Variants in STXBP5L observed in about 807,000 individuals in gnomAD.
STXBP5L encodes the protein syntaxin binding protein 5L, also known as syntaxin-binding protein 5-like.
In STXBP5L, 65 loss-of-function variants were observed where a neutral mutation model predicts 144.5. That is an observed-to-expected ratio of 0.45 (90% CI 0.37 to 0.55). The LOEUF (loss-of-function observed/expected upper bound fraction) is 0.55, where lower values mean the gene tolerates loss of function less well. Ranked by LOEUF, STXBP5L falls within the 20% of genes least tolerant of loss-of-function variation. STXBP5L has a pLI of 0.00. For missense variants in STXBP5L, 1,298 were observed against 1,405.5 expected (o/e 0.92, Z 1.22); for synonymous variants, 505 against 469.6 (o/e 1.08, Z -0.97).
At chr3:120,999,077 G>T (rs1187363877) in intron 3 of STXBP5L, among the ~76,000 whole-genome samples, 1 of 152,124 alleles carries the variant, frequency 6.6e-6, no homozygotes, top group Admixed American at 6.6e-5. Context: ...CTGAGTGATG[G>T]AGTCTCATTC....
chr3:120,919,156 T>G (rs2107577710), intron 2 of STXBP5L, among the ~76,000 whole-genome samples: 1 of 152,220 alleles, frequency 6.6e-6, no homozygotes, highest in South Asian at 2.1e-4. Flanking sequence ...ATTCTCAACG[T>G]TACTGATTTT....
intron 3 of STXBP5L, among the ~76,000 whole-genome samples, chr3:120,990,468 A>G (rs1450927060): frequency 2.0e-5 from 3 of 152,204 alleles, no homozygotes; most frequent in Admixed American, 2.0e-4. Context: ...TTCAAAGTTC[A>G]TATGGAACCA....
chr3:121,087,350 T>C (rs889744307), intron 5 of STXBP5L, among the ~76,000 whole-genome samples: 2 of 152,082 alleles, frequency 1.3e-5, no homozygotes, highest in Non-Finnish European at 2.9e-5. Context: ...ATTTAATGTA[T>C]TTTGCAGCCT....
chr3:121,065,203 T>C lies in STXBP5L; in HGVS notation c.470+19668T>C, dbSNP rs552046006. 9.2e-5 allele frequency among the ~76,000 whole-genome samples: 14 copies of C among 152,288 alleles called. No individual in the cohort carries two copies. The South Asian group carries it at 2.3e-3, about 25-fold the overall frequency. On this transcript the variant is annotated intron_variant, in intron 5 of 26. Coordinates refer to ENST00000471454, the MANE Select transcript of STXBP5L (RefSeq NM_001308330.2). The stretch of plus-strand genomic sequence containing the variant: ...TATGAATACTGCTGTACTAAACATA[T>C]GAGGGCAGATGACATTTTGGTAGAA...
At chr3:121,029,876 C>T (rs1447048000) in intron 3 of STXBP5L, among the ~76,000 whole-genome samples, 1 of 151,184 alleles carries the variant, frequency 6.6e-6, no homozygotes, top group Non-Finnish European at 1.5e-5. Flanking sequence ...AGGATATGAA[C>T]AGAGACTTCT....
chr3:121,027,555 G>T (rs1298358919), intron 3 of STXBP5L, among the ~76,000 whole-genome samples: 1 of 151,956 alleles, frequency 6.6e-6, no homozygotes, highest in Non-Finnish European at 1.5e-5. Flanking sequence ...TTTGGCTCTT[G>T]GCCCCTTTCC....
At chr3:121,092,894 T>C (rs1382749857) in intron 5 of STXBP5L, among the ~76,000 whole-genome samples, 1 of 152,210 alleles carries the variant, frequency 6.6e-6, no homozygotes, top group Non-Finnish European at 1.5e-5. Context: ...TTCAGTATGA[T>C]ATTGGCTGTG....
chr3:121,008,931 AT>A (rs35274717), intron 3 of STXBP5L, among the ~76,000 whole-genome samples: 32,273 of 149,218 alleles, frequency 0.22, 3,645 homozygotes, highest in Non-Finnish European at 0.26. Context: ...AATATAATCA[AT>A]TTTTTTTTTT....
At chr3:121,039,981 T>G (rs548603540) in intron 3 of STXBP5L, among the ~76,000 whole-genome samples, 1 of 152,168 alleles carries the variant, frequency 6.6e-6, no homozygotes, top group South Asian at 2.1e-4. Flanking sequence ...GATAGATAGA[T>G]CTATCTTCTG....
At chr3:121,192,044 A>T (rs755559520) in intron 9 of STXBP5L, among the ~76,000 whole-genome samples, 3 of 152,150 alleles carry the variant, frequency 2.0e-5, no homozygotes, top group Non-Finnish European at 4.4e-5. Flanking sequence ...ATGTATACAT[A>T]TGTAACAAAC....
chr3:121,290,535 A>G (rs553379732), intron 19 of STXBP5L, among the ~76,000 whole-genome samples: 18 of 152,260 alleles, frequency 1.2e-4, no homozygotes, highest in Admixed American at 1.2e-3. Context: ...GAAAGAGGGA[A>G]TCCTCCCCCC....
intron 21 of STXBP5L, among the ~76,000 whole-genome samples, chr3:121,379,711 G>T (rs1260785253): frequency 2.0e-5 from 3 of 152,048 alleles, no homozygotes; most frequent in Admixed American, 2.0e-4. Context: ...TCTCTAACAG[G>T]TGTCTGTGAG....
Position 121,354,508 on chromosome 3 carries a change from C to CTTTTTTT in STXBP5L, c.2177-24193_2177-24187dup, listed in dbSNP as rs145703750. 1.9e-3 allele frequency among the ~76,000 whole-genome samples: 131 copies of CTTTTTTT among 67,540 alleles called. 9 individuals carry two copies. Among genetic ancestry groups the CTTTTTTT allele is most frequent in the South Asian group, 3.0e-3 (4 of 1,334 alleles). The allele number at this position is 67,540 out of a possible 152,430, so 44.3% of individuals were successfully genotyped here. A position where few individuals can be genotyped will look rare whatever the true frequency, so the allele number is the denominator to read the frequency against. On this transcript the variant is annotated intron_variant, in intron 20 of 26. Coordinates refer to ENST00000471454, the MANE Select transcript of STXBP5L (RefSeq NM_001308330.2). ...GTCAGAGGCTAGAATTGCAACCCTG[C>CTTTTTTT]TTTTTTTTTTTTTTTTTTTTTGCTC...
chr3:120,912,623 C>CAAAA (rs555613375), intron 2 of STXBP5L, among the ~76,000 whole-genome samples: 2 of 125,322 alleles, frequency 1.6e-5, no homozygotes, highest in African/African-American at 2.9e-5. Flanking sequence ...CAAGGTCAGC[C>CAAAA]AAAAAAAAAA....
At chr3:121,065,965 C>T (rs1004962413) in intron 5 of STXBP5L, among the ~76,000 whole-genome samples, 1 of 152,178 alleles carries the variant, frequency 6.6e-6, no homozygotes, top group Non-Finnish European at 1.5e-5. Context: ...CTCAATAAGC[C>T]AGCTCACAAC....
Position 121,122,659 on chromosome 3 carries a change from A to G in STXBP5L, c.669+955A>G, listed in dbSNP as rs76622372. On this transcript the variant is annotated intron_variant, in intron 7 of 26. Transcript: ENST00000471454. ...AATGGTACTGGATAATTGGTTCTTC[A>G]CTTTGAAAAGAATAGTAAGACCTCT... 4.1e-3 allele frequency among the ~76,000 whole-genome samples: 628 copies of G among 151,610 alleles called. 4 individuals carry two copies. The highest frequency in any genetic ancestry group is 0.014 in the Middle Eastern group (4 of 294).
chr3:121,166,861 T>C (rs1312393739), intron 9 of STXBP5L, among the ~76,000 whole-genome samples: 1 of 152,128 alleles, frequency 6.6e-6, no homozygotes, highest in Non-Finnish European at 1.5e-5. Flanking sequence ...AGTGAAATAA[T>C]AGCATATAAA....
chr3:121,278,942 A>T (rs1356289074), intron 18 of STXBP5L, among the ~76,000 whole-genome samples: 2 of 151,578 alleles, frequency 1.3e-5, no homozygotes, highest in African/African-American at 4.8e-5. Flanking sequence ...TTGTGTAGTG[A>T]AGTGGAAAGA....
intron 3 of STXBP5L, among the ~76,000 whole-genome samples, chr3:120,987,918 C>A (rs1310973318): frequency 6.6e-6 from 1 of 151,612 alleles, no homozygotes; most frequent in East Asian, 1.9e-4. Context: ...CTGGTGAAAC[C>A]AACTGGGTCT....
Sources: gnomAD v4.1 joint callset for allele counts (sites outside exome capture counted in the v4.1 genomes callset) on GRCh38, gnomAD v4.1.1 for gene constraint, MANE v1.5 for transcripts, NCBI Gene and HGNC (gene_info 2026-07-23, HGNC 2026-07-21) for gene names.